Variants in BMAL1 observed in about 807,000 individuals in gnomAD.
The protein encoded by BMAL1 is basic helix-loop-helix ARNT like 1.
chr11:13,356,722 C>G, the BMAL1 span: 2 of 1,613,920 alleles, frequency 1.2e-6, no homozygotes. Context: ...CAGTCACATT[C>G]TCTTTTGTTT....
the BMAL1 span, chr11:13,277,137 G>A: frequency 2.0e-5 from 3 of 152,306 alleles, no homozygotes; most frequent in African/African-American, 7.2e-5. Context: ...CCGTTCTCTC[G>A]TTGAGACTTT....
the BMAL1 span, among the ~76,000 whole-genome samples, chr11:13,289,969 C>T: frequency 5.9e-4 from 89 of 150,112 alleles, 1 homozygote; most frequent in African/African-American, 1.9e-3. Flanking sequence ...CTGTATTCCA[C>T]AATGATTGAA....
the BMAL1 span, among the ~76,000 whole-genome samples, chr11:13,310,608 C>T: frequency 6.6e-6 from 1 of 152,196 alleles, no homozygotes; most frequent in African/African-American, 2.4e-5. Context: ...AGCTACTCCA[C>T]TCTGCTGTGG....
At chr11:13,307,851 G>A in the BMAL1 span, among the ~76,000 whole-genome samples, 3 of 152,282 alleles carry the variant, frequency 2.0e-5, no homozygotes, top group South Asian at 2.1e-4. Flanking sequence ...CCCGAGGCCC[G>A]CGAGTCTGCT....
the BMAL1 span, among the ~76,000 whole-genome samples, chr11:13,323,944 A>G: frequency 6.6e-6 from 1 of 152,232 alleles, no homozygotes; most frequent in African/African-American, 2.4e-5. Context: ...TTAACACATA[A>G]TAATTGTACA....
the BMAL1 span, among the ~76,000 whole-genome samples, chr11:13,334,370 C>G: frequency 6.6e-6 from 1 of 152,212 alleles, no homozygotes; most frequent in Non-Finnish European, 1.5e-5. Context: ...GAACCATTTT[C>G]TGTGAAACCT....
the BMAL1 span, among the ~76,000 whole-genome samples, chr11:13,328,962 A>G: frequency 3.9e-5 from 6 of 152,186 alleles, no homozygotes; most frequent in African/African-American, 1.2e-4. Flanking sequence ...GGAGATTGGT[A>G]TAAATAATGG....
At chr11:13,374,241 C>A in the BMAL1 span, 2 of 1,569,760 alleles carry the variant, frequency 1.3e-6, no homozygotes, top group South Asian at 2.2e-5. Flanking sequence ...TTGAAAGTGT[C>A]CCCTTGCTTC....
chr11:13,284,206 ATATGTGTATATATATATATATGTGTG>A, the BMAL1 span, among the ~76,000 whole-genome samples: 1 of 43,428 alleles, frequency 2.3e-5, no homozygotes, highest in African/African-American at 7.2e-5. Flanking sequence ...GTGTATATAT[ATATGTGTATATATATATATATGTGTG>A]TGTATATATA....
chr11:13,337,412 GTATATCTATT>G, the BMAL1 span, among the ~76,000 whole-genome samples: 1 of 151,998 alleles, frequency 6.6e-6, no homozygotes, highest in Admixed American at 6.6e-5. Flanking sequence ...TTTATTAAAT[GTATATCTATT>G]TATATCTATT....
At chr11:13,369,915 A>T in the BMAL1 span, 2 of 990,380 alleles carry the variant, frequency 2.0e-6, no homozygotes, top group African/African-American at 1.7e-5. Flanking sequence ...AGTCCTCCCT[A>T]TGTGTAGGGC....
the BMAL1 span, chr11:13,360,286 TAGAATG>T: frequency 6.7e-7 from 1 of 1,501,106 alleles, no homozygotes; most frequent in Non-Finnish European, 9.2e-7. Flanking sequence ...GGCAGCAAGT[TAGAATG>T]AGACATTTTC....
the BMAL1 span, among the ~76,000 whole-genome samples, chr11:13,317,769 A>G: frequency 1.3e-5 from 2 of 152,162 alleles, no homozygotes; most frequent in African/African-American, 4.8e-5. Context: ...TTTTATCTCC[A>G]TTCCCTGCCA....
At chr11:13,368,182 GAGAC>G in the BMAL1 span, among the ~76,000 whole-genome samples, 3 of 152,334 alleles carry the variant, frequency 2.0e-5, no homozygotes, top group African/African-American at 7.2e-5. Context: ...TCAGAGAAAT[GAGAC>G]AGACAGCACC....
At chr11:13,282,193 A>T in the BMAL1 span, among the ~76,000 whole-genome samples, 10 of 152,132 alleles carry the variant, frequency 6.6e-5, no homozygotes, top group Non-Finnish European at 1.2e-4. Flanking sequence ...CAGACTCTGG[A>T]GCCAGATTTC....
At chr11:13,321,481 C>T in the BMAL1 span, among the ~76,000 whole-genome samples, 3 of 152,086 alleles carry the variant, frequency 2.0e-5, no homozygotes, top group Non-Finnish European at 4.4e-5. Context: ...GTGGGAAAGC[C>T]ACAGTTCACC....
At chr11:13,372,293 T>C in the BMAL1 span, 11 of 1,614,038 alleles carry the variant, frequency 6.8e-6, no homozygotes, top group Admixed American at 6.7e-5. Context: ...TCGTCGCAAT[T>C]GGACGACTGC....
the BMAL1 span, among the ~76,000 whole-genome samples, chr11:13,322,231 T>C: frequency 6.6e-6 from 1 of 152,200 alleles, no homozygotes; most frequent in Admixed American, 6.5e-5. Context: ...TCCTTCTGTC[T>C]CCAACTCCTG....
chr11:13,357,506 T>TG, the BMAL1 span, among the ~76,000 whole-genome samples: 22 of 152,200 alleles, frequency 1.4e-4, no homozygotes, highest in African/African-American at 5.3e-4. This position sits in a 1 kb window ranked among gnomAD's most constrained non-coding sequence, Gnocchi z 4.8. Context: ...ATGCACCACA[T>TG]GGGGCATGCT....
Sources: gnomAD v4.1 joint callset for allele counts (sites outside exome capture counted in the v4.1 genomes callset) on GRCh38, gnomAD v4.1.1 for gene constraint, Gnocchi (gnomAD v3.1) non-coding constraint, MANE v1.5 for transcripts, NCBI Gene and HGNC (gene_info 2026-07-23, HGNC 2026-07-21) for gene names.